The following MBOAT1 variants were observed in gnomAD, a reference collection of about 807,000 sequenced individuals.
MBOAT1 encodes membrane-bound glycerophospholipid O-acyltransferase 1.
MBOAT1 carries 67 observed loss-of-function variants against 64.4 expected under a neutral mutation model. That is an observed-to-expected ratio of 1.04 (90% CI 0.85 to 1.27). The LOEUF is 1.27. Ranked by LOEUF, MBOAT1 falls within the 50% of genes most tolerant of loss-of-function variation. MBOAT1 has a pLI of 0.00. For synonymous variants in MBOAT1, 229 were observed against 218.9 expected (o/e 1.05, Z -0.41); for missense variants, 563 against 604.6 (o/e 0.93, Z 0.72).
intron 1 of MBOAT1, among the ~76,000 whole-genome samples, chr6:20,198,005 C>A (rs894616924): frequency 3.3e-5 from 5 of 152,026 alleles, no homozygotes; most frequent in South Asian, 4.2e-4. Context: ...GCGGGTGAAA[C>A]ACTTGAGGTC....
At chr6:20,177,729 G>A (rs919711961) in intron 1 of MBOAT1, among the ~76,000 whole-genome samples, 7 of 149,040 alleles carry the variant, frequency 4.7e-5, no homozygotes, top group East Asian at 2.0e-4. Flanking sequence ...AGCCGAGATC[G>A]TGCCACTGTG....
chr6:20,123,343 G>A (rs904847748), intron 8 of MBOAT1, among the ~76,000 whole-genome samples: 18 of 152,098 alleles, frequency 1.2e-4, no homozygotes, highest in African/African-American at 3.6e-4. Flanking sequence ...GACATCAAGC[G>A]CAGGTCGCTT....
In MBOAT1 at chr6:20,144,229, T is replaced by A; in HGVS notation, c.410A>T (p.Asp137Val). The A allele has an allele frequency of 6.2e-7, 1 of 1,608,634 alleles. No homozygotes were observed. The highest frequency in any genetic ancestry group is 8.5e-7 in the Non-Finnish European group (1 of 1,175,806). Residue 137 changes from aspartate to valine, a missense_variant, in exon 4 of 13, where the codon GAT (aspartate) becomes GTT (valine). By Grantham distance (152) the Asp-to-Val change is radical. Transcript: ENST00000324607. ...AATGTAAGATACTTACCCAGAAAAA[T>A]CCGTAGTGAGAATTCCATAGTGGAA... ...YIFHYGILTT[D>V]FSGPLMIVTQ...
chr6:20,104,116 C>T (rs1159115173), intron 12 of MBOAT1, among the ~76,000 whole-genome samples: 1 of 152,104 alleles, frequency 6.6e-6, no homozygotes, highest in Non-Finnish European at 1.5e-5. Context: ...CATACTGTAC[C>T]GGTTTGCAGT....
At chr6:20,111,902 A>G (rs1284855209) in intron 11 of MBOAT1, among the ~76,000 whole-genome samples, 3 of 135,022 alleles carry the variant, frequency 2.2e-5, no homozygotes, top group East Asian at 2.0e-4. Flanking sequence ...ATTCCAGCAC[A>G]CCTGTGTCTA....
chr6:20,151,251 T>C lies in MBOAT1; in HGVS notation c.257A>G (p.His86Arg), dbSNP rs1761485106. The C allele has an allele frequency of 1.2e-6, 2 of 1,612,206 alleles. No individual in the cohort carries two copies. The highest frequency in any genetic ancestry group is 1.7e-6 in the Non-Finnish European group (2 of 1,178,734). ...VIFCFGWYSV[H>R]LFVLVLMCYA... ...GCACATTAACACCAGCACAAAAAGA[T>C]GCACAGAGTACCTTTAAGACATAAT... The change falls in exon 3 of 13, where the codon CAT becomes CGT. Residue 86 changes from histidine (H) to arginine (R), a missense_variant. Transcript: ENST00000324607.
At chr6:20,148,592 G>A (rs1258981866) in intron 3 of MBOAT1, among the ~76,000 whole-genome samples, 1 of 152,190 alleles carries the variant, frequency 6.6e-6, no homozygotes, top group Non-Finnish European at 1.5e-5. Flanking sequence ...TGCAAAACCA[G>A]CATTTTGCAG....
chr6:20,102,253 G>A lies in MBOAT1; in HGVS notation c.*33C>T. The A allele has an allele frequency of 6.2e-7, 1 of 1,603,884 alleles. No homozygotes were observed. The highest frequency in any genetic ancestry group is 8.5e-7 in the Non-Finnish European group (1 of 1,175,208). ...TGTCATCTCATCTTTCGAACGTTCT[G>A]CAGTTTTGCTTGTTCCGCTTCTCTT... On this transcript the variant is annotated 3_prime_UTR_variant, in exon 13 of 13. Transcript: ENST00000324607.
chr6:20,196,881 A>AG (rs747585203), intron 1 of MBOAT1, among the ~76,000 whole-genome samples: 121 of 151,830 alleles, frequency 8.0e-4, no homozygotes, highest in Non-Finnish European at 1.4e-3. Flanking sequence ...AAACAAACAA[A>AG]CAAAAAAAAA....
intron 12 of MBOAT1, among the ~76,000 whole-genome samples, chr6:20,104,280 G>A (rs916062903): frequency 1.3e-5 from 2 of 152,142 alleles, no homozygotes; most frequent in African/African-American, 2.4e-5. Context: ...AGCAACGTAT[G>A]ACTGTATTCT....
chr6:20,106,627 C>T (rs1759965591), intron 12 of MBOAT1, among the ~76,000 whole-genome samples: 1 of 152,124 alleles, frequency 6.6e-6, no homozygotes, highest in African/African-American at 2.4e-5. Context: ...TTTCACCATG[C>T]TGGCCAGGCT....
chr6:20,185,029 C>T (rs148926434), intron 1 of MBOAT1, among the ~76,000 whole-genome samples: 440 of 152,038 alleles, frequency 2.9e-3, no homozygotes, highest in African/African-American at 9.6e-3. Context: ...GTGAGAGGAT[C>T]GCTTGAGGCA....
At chr6:20,172,340 ACT>A (rs1180554671) in intron 1 of MBOAT1, among the ~76,000 whole-genome samples, 15 of 151,942 alleles carry the variant, frequency 9.9e-5, no homozygotes, top group African/African-American at 3.4e-4. Flanking sequence ...GAGGGATGAG[ACT>A]CTCTTGAATC....
At chr6:20,176,866 C>T (rs986919043) in intron 1 of MBOAT1, among the ~76,000 whole-genome samples, 1 of 152,110 alleles carries the variant, frequency 6.6e-6, no homozygotes, top group Non-Finnish European at 1.5e-5. Flanking sequence ...TCAGGTGGCC[C>T]GCCCACCTTA....
At chr6:20,139,670 C>A (rs1158320178) in intron 4 of MBOAT1, among the ~76,000 whole-genome samples, 3 of 150,526 alleles carry the variant, frequency 2.0e-5, no homozygotes, top group African/African-American at 7.4e-5. Flanking sequence ...CCTTCCACCT[C>A]AGCCTCCTGA....
At chr6:20,190,327 G>T (rs1164664819) in intron 1 of MBOAT1, among the ~76,000 whole-genome samples, 1 of 152,126 alleles carries the variant, frequency 6.6e-6, no homozygotes, top group African/African-American at 2.4e-5. Flanking sequence ...TACTATGCTT[G>T]TTTAAAAAAT....
intron 1 of MBOAT1, among the ~76,000 whole-genome samples, chr6:20,156,671 C>T (rs180883296): frequency 6.6e-6 from 1 of 152,162 alleles, no homozygotes; most frequent in Non-Finnish European, 1.5e-5. Context: ...AGTAAGTATT[C>T]ACAGAGATGT....
At chr6:20,146,898 G>A (rs1016493021) in intron 3 of MBOAT1, among the ~76,000 whole-genome samples, 2 of 152,152 alleles carry the variant, frequency 1.3e-5, no homozygotes, top group African/African-American at 4.8e-5. Context: ...TGACTGATAC[G>A]GTTTGGCTGT....
Position 20,144,262 on chromosome 6 carries a change from A to G in MBOAT1, c.377T>C (p.Ile126Thr). 6.2e-7 allele frequency: 1 copy of G among 1,613,402 alleles called. No individual in the cohort carries two copies. Among genetic ancestry groups the G allele is most frequent in the South Asian group, 1.1e-5 (1 of 90,954 alleles). ...GAGAATTCCATAGTGGAAGATGTAT[A>G]TTCGGCTGATGTGGCATATTGTAAG... ...GYLTICHISR[I>T]YIFHYGILTT... The change falls in exon 4 of 13, where the codon ATA becomes ACA. Residue 126 changes from isoleucine (I) to threonine (T), a missense_variant. Transcript: ENST00000324607.
Sources: allele counts gnomAD v4.1 joint callset (sites outside exome capture counted in the v4.1 genomes callset), GRCh38; gene constraint gnomAD v4.1.1; transcripts MANE v1.5; gene names NCBI Gene and HGNC (gene_info 2026-07-23, HGNC 2026-07-21).